CDH18: variants seen among roughly 807,000 people sequenced by gnomAD.
CDH18 encodes the protein cadherin 18.
Under a neutral mutation model 67.9 loss-of-function variants are expected in CDH18, and 31 were observed. The ratio of observed to expected loss-of-function variants is 0.46; its 90% CI spans 0.34 to 0.62. CDH18 has a LOEUF of 0.62. CDH18 is among the 20% of genes least tolerant of loss of function. The pLI is 0.01. For missense variants in CDH18, 890 were observed against 975.5 expected, an observed-to-expected ratio of 0.91 and a Z score of 1.17; for synonymous variants, 362 against 347.2, an observed-to-expected ratio of 1.04 and a Z score of -0.48.
intron 2 of CDH18, among the ~76,000 whole-genome samples, chr5:20,254,869 C>G (rs777035674): frequency 6.8e-6 from 1 of 147,662 alleles, no homozygotes; most frequent in Non-Finnish European, 1.5e-5. Flanking sequence ...AGCCTAGGTG[C>G]CCATTAATGA....
At chr5:20,214,926 T>G (rs773842399) in intron 2 of CDH18, among the ~76,000 whole-genome samples, 3 of 151,688 alleles carry the variant, frequency 2.0e-5, no homozygotes, top group Non-Finnish European at 4.4e-5. Flanking sequence ...TAAGAGAAAA[T>G]ATTTGCAAAC....
At chr5:19,558,638 T>C (rs565307644) in intron 8 of CDH18, among the ~76,000 whole-genome samples, 3 of 151,654 alleles carry the variant, frequency 2.0e-5, no homozygotes, top group South Asian at 2.1e-4. Context: ...AGCAGTGAGA[T>C]TGACAGGGTA....
In CDH18 at chr5:20,433,098, C is replaced by T. The variant is rs572720464; in HGVS notation, c.-580+142364G>A. Among the ~76,000 whole-genome samples the T allele has an allele frequency of 7.3e-5, 11 of 150,772 alleles. No homozygotes were observed. The South Asian group carries it at 1.5e-3, about 20-fold the overall frequency. ...TCACGGATTAGCCGAGGTCAATAGG[C>T]GACATTTCTTCCTGGGTCACTTTAG... On this transcript the variant is annotated intron_variant, in intron 1 of 14. Transcript: ENST00000507958.
At chr5:19,552,955 T>C (rs1737727129) in intron 8 of CDH18, among the ~76,000 whole-genome samples, 1 of 152,274 alleles carries the variant, frequency 6.6e-6, no homozygotes, top group East Asian at 1.9e-4. Flanking sequence ...AAAGCAATGA[T>C]GAAAGTAAAA....
At chr5:20,236,559 C>T (rs1742490006) in intron 2 of CDH18, among the ~76,000 whole-genome samples, 2 of 151,866 alleles carry the variant, frequency 1.3e-5, no homozygotes, top group African/African-American at 2.4e-5. Flanking sequence ...ATACTACAAA[C>T]AATTATATGT....
intron 4 of CDH18, among the ~76,000 whole-genome samples, chr5:19,731,662 T>C (rs1257525855): frequency 6.6e-6 from 1 of 152,206 alleles, no homozygotes; most frequent in African/African-American, 2.4e-5. Context: ...AGAGAGAGAA[T>C]GTTTAAGAAC....
intron 1 of CDH18, among the ~76,000 whole-genome samples, chr5:20,381,124 C>G (rs1743873294): frequency 6.6e-6 from 1 of 152,004 alleles, no homozygotes; most frequent in Admixed American, 6.6e-5. Flanking sequence ...TGTGAGAACA[C>G]AGTGAGAAGG....
intron 1 of CDH18, among the ~76,000 whole-genome samples, chr5:20,485,901 G>A (rs144278829): frequency 2.6e-5 from 4 of 152,216 alleles, no homozygotes; most frequent in African/African-American, 9.6e-5. Context: ...TTTGAAGTTG[G>A]GTATATTGTA....
chr5:19,592,684 T>A (rs1163585642), intron 6 of CDH18, among the ~76,000 whole-genome samples: 1 of 152,154 alleles, frequency 6.6e-6, no homozygotes, highest in Non-Finnish European at 1.5e-5. Context: ...ATAAGAACAC[T>A]TAATATGAGA....
Position 19,503,102 on chromosome 5 carries a change from T to C in CDH18, c.1520A>G (p.His507Arg). The C allele has an allele frequency of 6.5e-7, 1 of 1,542,756 alleles. No homozygotes were observed. The highest frequency in any genetic ancestry group is 8.9e-7 in the Non-Finnish European group (1 of 1,117,474). ...CENSKPGQVI[H>R]TISATDKDDF... is the part of the protein sequence containing the mutation. The stretch of plus-strand genomic sequence containing the variant: ...ATCTTTATCAGTGGCACTGATGGTA[T>C]GAATAACCTAAAGAAAAGACAAACT... Residue 507 changes from histidine (H) to arginine (R), a missense_variant, in exon 11 of 13, where the codon CAT becomes CGT. Physicochemically the swap from His to Arg is conservative, Grantham distance 29. Coordinates refer to ENST00000382275, the MANE Select transcript of CDH18 (RefSeq NM_004934.5).
At chr5:19,772,649 A>C (rs1361319021) in intron 3 of CDH18, among the ~76,000 whole-genome samples, 4 of 152,198 alleles carry the variant, frequency 2.6e-5, no homozygotes, top group Non-Finnish European at 5.9e-5. Flanking sequence ...TAAAACATTA[A>C]TAGTTTTAGT....
At chr5:20,146,384 T>A (rs1750645019) in intron 2 of CDH18, among the ~76,000 whole-genome samples, 1 of 152,108 alleles carries the variant, frequency 6.6e-6, no homozygotes, top group South Asian at 2.1e-4. Flanking sequence ...GATTTTGTTT[T>A]TAGAGAAAGG....
intron 5 of CDH18, among the ~76,000 whole-genome samples, chr5:19,707,226 G>A (rs568557930): frequency 4.6e-4 from 70 of 152,134 alleles, no homozygotes; most frequent in Non-Finnish European, 3.8e-4. Flanking sequence ...CAACTGTCAC[G>A]AGCAACACCC....
At chr5:19,504,781 C>T (rs566675910) in intron 10 of CDH18, among the ~76,000 whole-genome samples, 3 of 152,044 alleles carry the variant, frequency 2.0e-5, no homozygotes, top group Non-Finnish European at 4.4e-5. Context: ...ACCCTATTTT[C>T]TCCATCATAC....
intron 1 of CDH18, among the ~76,000 whole-genome samples, chr5:20,489,453 C>T (rs942684277): frequency 2.0e-5 from 3 of 151,958 alleles, no homozygotes; most frequent in Non-Finnish European, 4.4e-5. Flanking sequence ...TTGTTTAAAA[C>T]TTTTAGATGG....
At chr5:20,359,128 T>C (rs955021672) in intron 1 of CDH18, among the ~76,000 whole-genome samples, 4 of 151,930 alleles carry the variant, frequency 2.6e-5, no homozygotes, top group African/African-American at 9.7e-5. Flanking sequence ...AAGTGCTTTC[T>C]CTATGTTGGT....
chr5:19,784,932 T>G lies in CDH18; in HGVS notation c.229-37696A>C, dbSNP rs567816469. Among the ~76,000 whole-genome samples, 14 of 152,294 alleles carry G rather than the reference T, an allele frequency of 9.2e-5. No individual in the cohort carries two copies. The East Asian group carries it at 2.7e-3, about 29-fold the overall frequency. ...TACTGACTTCAAGTCTTTACACAAA[T>G]CTTAACTCATTCAACCAACTATCAA... On this transcript the variant is annotated intron_variant, in intron 3 of 12. Coordinates refer to ENST00000382275, the MANE Select transcript of CDH18 (RefSeq NM_004934.5).
At chr5:20,023,589 G>A (rs1460784455) in intron 2 of CDH18, among the ~76,000 whole-genome samples, 2 of 150,942 alleles carry the variant, frequency 1.3e-5, no homozygotes, top group African/African-American at 4.9e-5. Context: ...AACCCGGGAG[G>A]CGGAGTTTGT....
At chr5:20,247,630 G>T (rs1743485482) in intron 2 of CDH18, among the ~76,000 whole-genome samples, 1 of 151,968 alleles carries the variant, frequency 6.6e-6, no homozygotes, top group Non-Finnish European at 1.5e-5. Flanking sequence ...TGGGCATGGT[G>T]GCGATCACCT....
Sources: gnomAD v4.1 joint callset for allele counts (sites outside exome capture counted in the v4.1 genomes callset) on GRCh38, gnomAD v4.1.1 for gene constraint, MANE v1.5 for transcripts, NCBI Gene and HGNC (gene_info 2026-07-23, HGNC 2026-07-21) for gene names.